The following GABRG3 variants were observed in gnomAD, a reference collection of about 807,000 sequenced individuals.
GABRG3 encodes the protein gamma-aminobutyric acid receptor subunit gamma-3.
In GABRG3, 25 loss-of-function variants were observed where a neutral mutation model predicts 48.8. The ratio of observed to expected loss-of-function variants is 0.51; its 90% confidence interval spans 0.37 to 0.72. The LOEUF is 0.72. GABRG3 is among the 30% of genes least tolerant of loss of function. GABRG3 has a pLI of 0.00. For synonymous variants in GABRG3, 227 were observed against 217.6 expected, an observed-to-expected ratio of 1.04 and a Z score of -0.38; for missense variants, 394 against 577.9, an observed-to-expected ratio of 0.68 and a Z score of 3.26.
chr15:27,470,884 C>T (rs1000022883), intron 5 of GABRG3, among the ~76,000 whole-genome samples: 7 of 149,878 alleles, frequency 4.7e-5, no homozygotes, highest in African/African-American at 1.7e-4. Context: ...ATTCATATTT[C>T]TCAAATCCTA....
intron 5 of GABRG3, among the ~76,000 whole-genome samples, chr15:27,406,538 A>C (rs1887639978): frequency 6.6e-6 from 1 of 152,164 alleles, no homozygotes; most frequent in Non-Finnish European, 1.5e-5. Flanking sequence ...GCACATGTTT[A>C]GCCACAAGAA....
chr15:27,002,441 G>A (rs1343817803), intron 2 of GABRG3, among the ~76,000 whole-genome samples: 1 of 152,188 alleles, frequency 6.6e-6, no homozygotes, highest in East Asian at 1.9e-4. Flanking sequence ...GGTGGTATTT[G>A]TCTAAACTAT....
intron 2 of GABRG3, among the ~76,000 whole-genome samples, chr15:27,025,598 T>C (rs1895970601): frequency 6.6e-6 from 1 of 152,220 alleles, no homozygotes; most frequent in Non-Finnish European, 1.5e-5. Flanking sequence ...TATCATTGTT[T>C]TCATTACGTG....
intron 3 of GABRG3, among the ~76,000 whole-genome samples, chr15:27,256,717 T>G (rs1424766288): frequency 6.6e-6 from 1 of 152,198 alleles, no homozygotes; most frequent in East Asian, 1.9e-4. Context: ...TGGTTTTGCC[T>G]GTTACCTCAG....
At chr15:26,978,126 G>A (rs1283176275) in intron 2 of GABRG3, among the ~76,000 whole-genome samples, 3 of 151,508 alleles carry the variant, frequency 2.0e-5, no homozygotes, top group South Asian at 4.2e-4. Flanking sequence ...TATTTATTTT[G>A]CCATCAGTAT....
intron 5 of GABRG3, among the ~76,000 whole-genome samples, chr15:27,403,681 G>A (rs545234719): frequency 2.6e-5 from 4 of 152,018 alleles, no homozygotes; most frequent in Admixed American, 1.3e-4. Context: ...TTGGGAGGCC[G>A]AGGTGGGCGG....
At chr15:27,026,190 CAT>C (rs1895979862) in intron 2 of GABRG3, among the ~76,000 whole-genome samples, 1 of 152,188 alleles carries the variant, frequency 6.6e-6, no homozygotes, top group Non-Finnish European at 1.5e-5. Context: ...GATGTATGTG[CAT>C]ATATGTATCT....
chr15:27,128,072 T>C (rs908662986), intron 3 of GABRG3, among the ~76,000 whole-genome samples: 6 of 152,194 alleles, frequency 3.9e-5, no homozygotes, highest in African/African-American at 1.4e-4. Flanking sequence ...CTTTAACATG[T>C]GGTTTGAGGC....
chr15:26,990,640 A>T (rs1001006063), intron 2 of GABRG3, among the ~76,000 whole-genome samples: 49 of 125,754 alleles, frequency 3.9e-4, no homozygotes, highest in African/African-American at 1.1e-3. Flanking sequence ...ATGTGACGTG[A>T]TCTCATTTGG....
At chr15:27,004,133 C>T (rs548653875) in intron 2 of GABRG3, among the ~76,000 whole-genome samples, 317 of 151,190 alleles carry the variant, frequency 2.1e-3, no homozygotes, top group Admixed American at 3.8e-3. Flanking sequence ...GGGCTGACCC[C>T]CCCACCTCCC....
At chr15:27,138,545 G>C (rs1362256919) in intron 3 of GABRG3, among the ~76,000 whole-genome samples, 1 of 152,092 alleles carries the variant, frequency 6.6e-6, no homozygotes, top group East Asian at 1.9e-4. Context: ...CATGAGTTCT[G>C]CATGCGGATT....
intron 2 of GABRG3, among the ~76,000 whole-genome samples, chr15:27,007,605 C>G (rs1895611054): frequency 6.6e-6 from 1 of 152,118 alleles, no homozygotes; most frequent in Admixed American, 6.5e-5. Flanking sequence ...TAATAATAGC[C>G]ATTCTGACTG....
chr15:27,307,797 A>G (rs1229301342), intron 3 of GABRG3, among the ~76,000 whole-genome samples: 2 of 130,034 alleles, frequency 1.5e-5, no homozygotes, highest in Non-Finnish European at 3.2e-5. Context: ...CATATATATA[A>G]AATAAACATA....
In GABRG3 at chr15:27,234,524, G is replaced by A. The variant is rs559825065; in HGVS notation, c.271-92285G>A. 3.3e-5 allele frequency among the ~76,000 whole-genome samples: 5 copies of A among 152,316 alleles called. No homozygotes were observed. The East Asian group carries it at 7.7e-4, about 24-fold the overall frequency. ...TCCCTGCCTGTCATGTAATAGGCAA[G>A]CTGTGTGATCTGCCTTTCTCCTCTT... On this transcript the variant is annotated intron_variant, in intron 3 of 9. Coordinates refer to ENST00000615808, the MANE Select transcript of GABRG3 (RefSeq NM_033223.5).
intron 3 of GABRG3, among the ~76,000 whole-genome samples, chr15:27,078,043 C>T (rs1896937697): frequency 6.6e-6 from 1 of 152,212 alleles, no homozygotes; most frequent in South Asian, 2.1e-4. Context: ...ACAGACGGGG[C>T]TTTCCTTGTG....
At chr15:27,483,472 C>CAGGTACTG (rs1890145779) in intron 6 of GABRG3, among the ~76,000 whole-genome samples, 1 of 152,218 alleles carries the variant, frequency 6.6e-6, no homozygotes, top group South Asian at 2.1e-4. Context: ...GTCATGTTCA[C>CAGGTACTG]AGGTACTGAG....
At chr15:27,471,829 C>T (rs1192063726) in intron 5 of GABRG3, among the ~76,000 whole-genome samples, 4 of 152,180 alleles carry the variant, frequency 2.6e-5, no homozygotes, top group Non-Finnish European at 4.4e-5. Flanking sequence ...TTTCTTTGAT[C>T]AGTCTAGCAC....
At chr15:27,328,165 T>C (rs1254174446) in intron 4 of GABRG3, among the ~76,000 whole-genome samples, 2 of 150,062 alleles carry the variant, frequency 1.3e-5, no homozygotes, top group Non-Finnish European at 2.9e-5. Context: ...GGAACCATGC[T>C]GATGAAAAAC....
At chr15:27,409,966 G>C (rs1887747598) in intron 5 of GABRG3, among the ~76,000 whole-genome samples, 1 of 152,096 alleles carries the variant, frequency 6.6e-6, no homozygotes, top group African/African-American at 2.4e-5. Context: ...CCAGTACTGT[G>C]CTAGAGTGGT....
Sources: gnomAD v4.1 joint callset for allele counts (sites outside exome capture counted in the v4.1 genomes callset) on GRCh38, gnomAD v4.1.1 for gene constraint, MANE v1.5 for transcripts, NCBI Gene and HGNC (gene_info 2026-07-23, HGNC 2026-07-21) for gene names.